Variants in SNRPD3 observed in about 807,000 individuals in gnomAD.
SNRPD3 encodes the protein small nuclear ribonucleoprotein D3 polypeptide.
For synonymous variants in SNRPD3, 66 were observed against 58.4 expected, an observed-to-expected ratio of 1.13 and a Z score of -0.59; for missense variants, 73 against 167.5, an observed-to-expected ratio of 0.44 and a Z score of 3.11.
chr22:24,571,810 A>G lies in SNRPD3; in HGVS notation c.320-106A>G, dbSNP rs1207649948. 3.8e-6 allele frequency: 4 copies of G among 1,049,546 alleles called. No homozygotes were observed. The Admixed American group carries it at 6.2e-5, about 16-fold the overall frequency. The allele number at this position is 1,049,546 out of a possible 1,614,324, so 65.0% of individuals were successfully genotyped here. A position where few individuals can be genotyped will look rare whatever the true frequency, so the allele number is the denominator to read the frequency against. ...GGCCAGGGTGGTGTTGGACCAGGTA[A>G]CCCTTCAGAACCCTTCTAACTGGTG... On this transcript the variant is annotated intron_variant, in intron 3 of 3. Transcript: ENST00000215829.
At chr22:24,564,139 T>C in intron 2 of SNRPD3, among the ~76,000 whole-genome samples, 1 of 152,194 alleles carries the variant, frequency 6.6e-6, no homozygotes, top group East Asian at 1.9e-4. Context: ...GTATTCGTAT[T>C]ATAGCAGTGG....
At chr22:24,557,928 T>G in intron 2 of SNRPD3, 128 bp downstream of exon 2, 1 of 863,342 alleles carries the variant, frequency 1.2e-6, no homozygotes, top group Non-Finnish European at 1.7e-6. Flanking sequence ...GCCTAATGCA[T>G]ACCAGTCAGG....
In SNRPD3 at chr22:24,574,231, C is replaced by T. The variant is rs1051812421; in HGVS notation, c.*2254C>T. Among the ~76,000 whole-genome samples the T allele has an allele frequency of 1.3e-5, 2 of 152,168 alleles. No individual in the cohort carries two copies. The highest frequency in any genetic ancestry group is 6.5e-5 in the Admixed American group (1 of 15,272). ...TTCACTCTGGACCCGTACAGGAACA[C>T]CAGCCTTGCAGATTCTCCACGCAAT... On this transcript the variant is annotated 3_prime_UTR_variant, in exon 4 of 4. Coordinates refer to ENST00000215829, the MANE Select transcript of SNRPD3 (RefSeq NM_004175.5).
chr22:24,555,776 G>A, upstream of SNRPD3: 1 of 1,550,106 alleles, frequency 6.5e-7, no homozygotes, highest in Non-Finnish European at 8.7e-7. Context: ...ACCCTCTCTG[G>A]CTCTTTGCCG....
At chr22:24,571,080 A>G (rs2045246144) in intron 3 of SNRPD3, among the ~76,000 whole-genome samples, 1 of 152,160 alleles carries the variant, frequency 6.6e-6, no homozygotes, top group South Asian at 2.1e-4. Context: ...TGGACTCGCA[A>G]AGCCCTGGGG....
rs2045256532 is a variant in SNRPD3 at position 24,572,227 on chromosome 22, G to T, written c.*250G>T. Reference sequence around the variant, plus strand: ...TTTGACACCCTGGGGGATGTCCTGGGAGAATGCCAGTACTTTGAAATAGCA... The same window carrying T: ...TTTGACACCCTGGGGGATGTCCTGGTAGAATGCCAGTACTTTGAAATAGCA... On this transcript the variant is annotated 3_prime_UTR_variant, in exon 4 of 4. Coordinates refer to ENST00000215829, the MANE Select transcript of SNRPD3 (RefSeq NM_004175.5). The T allele has an allele frequency of 3.1e-6, 2 of 654,796 alleles. No individual in the cohort carries two copies. The highest frequency in any genetic ancestry group is 4.1e-4 in the Middle Eastern group (1 of 2,440). 40.6% of individuals were successfully genotyped at this position (654,796 alleles called of 1,614,324 possible).
chr22:24,561,250 T>G (rs954561537), intron 2 of SNRPD3, among the ~76,000 whole-genome samples: 2 of 151,796 alleles, frequency 1.3e-5, no homozygotes, highest in African/African-American at 4.8e-5. Context: ...TTTTTAAATT[T>G]TTTTGTAGAG....
chr22:24,555,949 C>T (rs949790039), upstream of SNRPD3: 10 of 1,003,200 alleles, frequency 1.0e-5, no homozygotes, highest in South Asian at 3.2e-5. Context: ...GAGGCGGGCC[C>T]TGCGCGCAGC....
Position 24,556,005 on chromosome 22 carries a change from T to A in SNRPD3, c.-85T>A. The A allele has an allele frequency of 1.5e-6, 1 of 649,674 alleles. No homozygotes were observed. Among genetic ancestry groups the A allele is most frequent in the South Asian group, 1.9e-5 (1 of 52,222 alleles). 40.2% of individuals were successfully genotyped at this position (649,674 alleles called of 1,614,324 possible). A position where few individuals can be genotyped will look rare whatever the true frequency, so the allele number is the denominator to read the frequency against. On this transcript the variant is annotated 5_prime_UTR_variant, in exon 1 of 4. The change creates a new upstream start codon in the 5' untranslated region. Transcript: ENST00000215829. ...TCTGGGTGTTAGGCCCGCCATTCGCTTGACTCACGCCTTCGCCGTAGCATC... is the reference window on the plus strand; with the variant it reads ...TCTGGGTGTTAGGCCCGCCATTCGCATGACTCACGCCTTCGCCGTAGCATC...
At chr22:24,571,792 G>T (rs1395754277) in intron 3 of SNRPD3, 124 bp from the exon 4 acceptor site, 1 of 826,060 alleles carries the variant, frequency 1.2e-6, no homozygotes, top group African/African-American at 1.7e-5. Flanking sequence ...AATGGCCAGG[G>T]TGGTGTTGGA....
At chr22:24,561,456 T>A (rs1174907659) in intron 2 of SNRPD3, among the ~76,000 whole-genome samples, 1 of 152,170 alleles carries the variant, frequency 6.6e-6, no homozygotes, top group Non-Finnish European at 1.5e-5. Context: ...TTTTGAGGGA[T>A]ACAATTTAGC....
At chr22:24,560,735 T>TTTC (rs2045131594) in intron 2 of SNRPD3, among the ~76,000 whole-genome samples, 1 of 127,506 alleles carries the variant, frequency 7.8e-6, no homozygotes, top group African/African-American at 3.0e-5. Flanking sequence ...TTTTTTTTTT[T>TTTC]TTTTTTTTTT....
Position 24,568,037 on chromosome 22 carries a change from G to C in SNRPD3, c.180G>C (p.Gln60His). 6.2e-7 allele frequency: 1 copy of C among 1,613,526 alleles called. No individual in the cohort carries two copies. The highest frequency in any genetic ancestry group is 2.2e-5 in the East Asian group (1 of 44,840). Residue 60 changes from glutamine (Q) to histidine (H), a missense_variant, in exon 3 of 4, where the codon CAG becomes CAC. Physicochemically the swap from Gln to His is conservative, Grantham distance 24. Coordinates refer to ENST00000215829, the MANE Select transcript of SNRPD3 (RefSeq NM_004175.5). ...ATGGCCGAGTGGCACAGCTGGAGCA[G>C]GTATACATCCGTGGCAGCAAAATCC... The part of the protein sequence containing the change: ...YRDGRVAQLE[Q>H]VYIRGSKIRF...
Position 24,560,670 on chromosome 22 carries a change from G to A in SNRPD3, c.126+2870G>A, listed in dbSNP as rs1333533728. 5.3e-4 allele frequency among the ~76,000 whole-genome samples: 75 copies of A among 141,918 alleles called. 1 individual carries two copies. The highest frequency in any genetic ancestry group is 1.9e-3 in the African/African-American group (71 of 37,828). 93.1% of individuals were successfully genotyped at this position (141,918 alleles called of 152,430 possible). The stretch of plus-strand genomic sequence containing the variant: ...GTCTCAAACTCCTGAGTTTGCCTCA[G>A]CCTCCCAAGTGCTAGGATTACAGGC... On this transcript the variant is annotated intron_variant, in intron 2 of 3. Transcript: ENST00000215829.
At chr22:24,567,063 T>C (rs142899654) in intron 2 of SNRPD3, among the ~76,000 whole-genome samples, 33 of 152,352 alleles carry the variant, frequency 2.2e-4, no homozygotes, top group African/African-American at 7.5e-4. Flanking sequence ...TCTTGCCTCA[T>C]AACCCTCCAG....
At chr22:24,562,501 G>A (rs1045518391) in intron 2 of SNRPD3, among the ~76,000 whole-genome samples, 6 of 152,120 alleles carry the variant, frequency 3.9e-5, no homozygotes, top group African/African-American at 1.4e-4. Context: ...CCAAGATCGC[G>A]CCACTGCACT....
upstream of SNRPD3, chr22:24,555,873 C>T (rs2045050604): frequency 6.6e-7 from 1 of 1,521,762 alleles, no homozygotes; most frequent in Non-Finnish European, 8.8e-7. Context: ...GCCCTAGTTT[C>T]CCAGCCGGCA....
At chr22:24,567,753 A>G (rs959303514) in intron 2 of SNRPD3, among the ~76,000 whole-genome samples, 1 of 67,972 alleles carries the variant, frequency 1.5e-5, no homozygotes, top group African/African-American at 3.2e-5. Context: ...TCTCAAAAAA[A>G]AAAGGGGGGG....
rs749425166 is a variant in SNRPD3, at chr22:24,557,808, G to A, written c.126+8G>A. On this transcript the variant is annotated splice_region_variant and intron_variant, in intron 2 of 3. Transcript: ENST00000215829. ...GACAACATGAACTGCCAGGTATTCT[G>A]CTTTGCATGTGAGGCTGTGTGGGAG... The A allele has an allele frequency of 1.2e-6, 2 of 1,603,194 alleles. No homozygotes were observed. Among genetic ancestry groups the A allele is most frequent in the Admixed American group, 1.7e-5 (1 of 57,946 alleles).
Sources: gnomAD v4.1 joint callset for allele counts (sites outside exome capture counted in the v4.1 genomes callset) on GRCh38, gnomAD v4.1.1 for gene constraint, MANE v1.5 for transcripts, NCBI Gene and HGNC (gene_info 2026-07-23, HGNC 2026-07-21) for gene names.